Variants in RAP1A observed in about 807,000 individuals in gnomAD.
RAP1A encodes ras-related protein Rap-1A.
RAP1A carries 6 observed loss-of-function variants against 26.4 expected under a neutral mutation model. That is an observed-to-expected ratio of 0.23 (90% CI 0.12 to 0.45). RAP1A has a LOEUF of 0.45. Ranked by LOEUF, RAP1A falls within the 20% of genes least tolerant of loss-of-function variation. The probability of loss-of-function intolerance (pLI) is 0.99; values close to 1 mark genes in which losing one functional copy is unlikely to be tolerated. For synonymous variants in RAP1A, 73 were observed against 79.4 expected, an observed-to-expected ratio of 0.92 and a Z score of 0.43; for missense variants, 121 against 217.2, an observed-to-expected ratio of 0.56 and a Z score of 2.78.
At chr1:111,693,680 T>A (rs484495) in intron 2 of RAP1A, among the ~76,000 whole-genome samples, 62,890 of 151,986 alleles carry the variant, frequency 0.41, 13,253 homozygotes, top group African/African-American at 0.49. Context: ...ATGGGCTCTT[T>A]TGCCTGCTTC....
At chr1:111,699,463 C>CTTTTTT (rs11435540) in intron 4 of RAP1A, among the ~76,000 whole-genome samples, 1,517 of 124,116 alleles carry the variant, frequency 0.012, 68 homozygotes, top group African/African-American at 0.044. Context: ...CTCACTTCCT[C>CTTTTTT]TTTTTTTTTT....
chr1:111,642,115 C>T (rs1242359487), intron 1 of RAP1A, among the ~76,000 whole-genome samples: 1 of 152,110 alleles, frequency 6.6e-6, no homozygotes, highest in African/African-American at 2.4e-5. Context: ...TGTGGTGGTG[C>T]ATGCCTGTAA....
At chr1:111,568,927 T>C (rs560588074) in intron 1 of RAP1A, among the ~76,000 whole-genome samples, 2 of 152,200 alleles carry the variant, frequency 1.3e-5, no homozygotes, top group Non-Finnish European at 2.9e-5. Context: ...TTTCTCTTCC[T>C]TATGATTTTT....
In RAP1A at chr1:111,697,416, C is replaced by CT. The variant is rs34219774; in HGVS notation, c.127-11dup. 261,390 of 1,552,866 alleles carry CT rather than the reference C, an allele frequency of 0.17. 4,477 individuals are homozygous for CT. The highest frequency in any genetic ancestry group is 0.33 in the African/African-American group (23,011 of 70,304). ...TGAGATTTTGATGTTACTCTTTAAC[C>CT]TTTTTTTTTTTTTTGCCCCCACAGC... On this transcript the variant is annotated intron_variant, in intron 3 of 7. Coordinates refer to ENST00000369709, the MANE Select transcript of RAP1A (RefSeq NM_002884.4).
chr1:111,677,528 C>T (rs546869559), intron 1 of RAP1A, among the ~76,000 whole-genome samples: 9 of 152,214 alleles, frequency 5.9e-5, no homozygotes, highest in South Asian at 2.1e-4. Flanking sequence ...TGATATCTCA[C>T]GAGGCTGCAG....
At chr1:111,586,488 T>C (rs942631641) in intron 1 of RAP1A, among the ~76,000 whole-genome samples, 1 of 152,020 alleles carries the variant, frequency 6.6e-6, no homozygotes, top group Non-Finnish European at 1.5e-5. Context: ...GAGGCTGAGG[T>C]GGGAGGATTG....
chr1:111,661,202 C>A (rs182810275), intron 1 of RAP1A, among the ~76,000 whole-genome samples: 36 of 152,294 alleles, frequency 2.4e-4, no homozygotes, highest in Admixed American at 2.3e-3. Flanking sequence ...TGGTCTTTAT[C>A]TTTAAGGGAA....
At chr1:111,606,452 T>C (rs1009992274) in intron 1 of RAP1A, among the ~76,000 whole-genome samples, 3 of 152,252 alleles carry the variant, frequency 2.0e-5, no homozygotes, top group Admixed American at 6.5e-5. Flanking sequence ...TATTTTCATA[T>C]AGACCTGGCA....
chr1:111,673,348 G>C (rs1661030800), intron 1 of RAP1A, among the ~76,000 whole-genome samples: 1 of 152,126 alleles, frequency 6.6e-6, no homozygotes, highest in Admixed American at 6.6e-5. Flanking sequence ...CAAAGTTTCT[G>C]ATCACTAAAT....
chr1:111,589,573 A>G (rs915520708), intron 1 of RAP1A, among the ~76,000 whole-genome samples: 4 of 151,988 alleles, frequency 2.6e-5, no homozygotes, highest in Non-Finnish European at 5.9e-5. Context: ...ATGGGCCTTA[A>G]CTCCTTACAC....
chr1:111,678,184 T>C (rs1387121911), intron 1 of RAP1A, among the ~76,000 whole-genome samples: 1 of 152,224 alleles, frequency 6.6e-6, no homozygotes, highest in Non-Finnish European at 1.5e-5. Flanking sequence ...GCTGATTGAG[T>C]TTGCATTGAA....
chr1:111,701,590 T>C lies in RAP1A; in HGVS notation c.184-1746T>C, dbSNP rs779787495. ...TACAACTATGTCAGTGGATATTTGTTGTGAATGGATGAAACTTGTAGAATG... is the reference window on the plus strand; with the variant it reads ...TACAACTATGTCAGTGGATATTTGTCGTGAATGGATGAAACTTGTAGAATG... On this transcript the variant is annotated intron_variant, in intron 4 of 7. Transcript: ENST00000369709. Among the ~76,000 whole-genome samples the C allele has an allele frequency of 5.1e-4, 78 of 152,298 alleles. 1 individual carries two copies. Among genetic ancestry groups the C allele is most frequent in the Admixed American group, 3.7e-3 (57 of 15,304 alleles).
chr1:111,692,928 G>A (rs1201854322), intron 2 of RAP1A, among the ~76,000 whole-genome samples: 1 of 152,164 alleles, frequency 6.6e-6, no homozygotes, highest in East Asian at 1.9e-4. Flanking sequence ...TCACTGCATA[G>A]CCTTTTGTGC....
chr1:111,637,748 T>G (rs1015559092), intron 1 of RAP1A, among the ~76,000 whole-genome samples: 2 of 152,152 alleles, frequency 1.3e-5, no homozygotes, highest in Non-Finnish European at 2.9e-5. Flanking sequence ...GTACCCCATC[T>G]CTAATGGATA....
chr1:111,557,805 T>C (rs549263280), intron 1 of RAP1A, among the ~76,000 whole-genome samples: 42 of 152,058 alleles, frequency 2.8e-4, no homozygotes, highest in Non-Finnish European at 5.3e-4. Context: ...GGATAAGAAG[T>C]AAAACAAACA....
At chr1:111,612,444 G>A (rs1658940544) in intron 1 of RAP1A, among the ~76,000 whole-genome samples, 1 of 152,100 alleles carries the variant, frequency 6.6e-6, no homozygotes, top group African/African-American at 2.4e-5. Context: ...CATATAAATA[G>A]GCAATATATA....
intron 3 of RAP1A, among the ~76,000 whole-genome samples, chr1:111,696,185 TTTTC>T (rs1336950146): frequency 1.3e-5 from 2 of 152,204 alleles, no homozygotes; most frequent in African/African-American, 2.4e-5. Context: ...ATTTTCAGTA[TTTTC>T]TATGTCAAAT....
intron 1 of RAP1A, among the ~76,000 whole-genome samples, chr1:111,664,435 T>C (rs1315733576): frequency 1.3e-5 from 2 of 150,556 alleles, no homozygotes; most frequent in Non-Finnish European, 3.0e-5. Flanking sequence ...AGTCCTTTCC[T>C]CTCTCACCCT....
At chr1:111,570,324 T>A (rs1658025120) in intron 1 of RAP1A, among the ~76,000 whole-genome samples, 1 of 152,190 alleles carries the variant, frequency 6.6e-6, no homozygotes, top group South Asian at 2.1e-4. Flanking sequence ...CAAACCAAGG[T>A]TGAAGGTTGG....
Sources: allele counts gnomAD v4.1 joint callset (sites outside exome capture counted in the v4.1 genomes callset), GRCh38; gene constraint gnomAD v4.1.1; transcripts MANE v1.5; gene names NCBI Gene and HGNC (gene_info 2026-07-23, HGNC 2026-07-21).